SLC35F5: variants seen among roughly 807,000 people sequenced by gnomAD.
SLC35F5 encodes the protein solute carrier family 35 member F5.
Under a neutral mutation model 68.6 loss-of-function variants are expected in SLC35F5, and 54 were observed. The observed-to-expected ratio is 0.79, with a 90% CI of 0.63 to 0.99. The LOEUF is 0.99. Ranked by LOEUF, SLC35F5 falls within the 50% of genes least tolerant of loss-of-function variation. SLC35F5 has a pLI of 0.00. For missense variants in SLC35F5, 567 were observed against 626.9 expected (o/e 0.90, Z 1.02); for synonymous variants, 211 against 205.2 (o/e 1.03, Z -0.24).
At chr2:113,727,170 C>A (rs1429962342) in intron 11 of SLC35F5, among the ~76,000 whole-genome samples, 1 of 152,124 alleles carries the variant, frequency 6.6e-6, no homozygotes, top group Non-Finnish European at 1.5e-5. Context: ...TCTCTCTTGC[C>A]AGTGTGTAAA....
intron 3 of SLC35F5, among the ~76,000 whole-genome samples, chr2:113,754,672 A>G (rs1676893811): frequency 6.6e-6 from 1 of 152,262 alleles, no homozygotes; most frequent in Non-Finnish European, 1.5e-5. Flanking sequence ...TATGAGGTAT[A>G]CCATGCATCT....
intron 7 of SLC35F5, 33 bp from the exon 8 acceptor site, chr2:113,735,891 T>A: frequency 7.5e-7 from 1 of 1,341,704 alleles, no homozygotes; most frequent in Non-Finnish European, 1.1e-6. Flanking sequence ...TGAACCCTAA[T>A]GAAAGACATG....
chr2:113,753,990 G>A (rs1041705024), intron 3 of SLC35F5, among the ~76,000 whole-genome samples: 5 of 151,980 alleles, frequency 3.3e-5, no homozygotes, highest in African/African-American at 9.7e-5. Context: ...ATTCTGAAAA[G>A]CATAAAAACT....
At chr2:113,715,810 A>G (rs1192903457) in intron 15 of SLC35F5, among the ~76,000 whole-genome samples, 1 of 152,130 alleles carries the variant, frequency 6.6e-6, no homozygotes, top group Non-Finnish European at 1.5e-5. Context: ...CACAGTTTAT[A>G]AGAACCTACT....
intron 11 of SLC35F5, 34 bp from the exon 12 acceptor site, chr2:113,725,571 TG>T: frequency 6.6e-7 from 1 of 1,518,784 alleles, no homozygotes; most frequent in Non-Finnish European, 8.8e-7. Context: ...GAGTTAAAAT[TG>T]ATTTATTTCT....
Position 113,709,028 on chromosome 2 carries a change from G to A in SLC35F5, c.*6190C>T, listed in dbSNP as rs1287258599. On this transcript the variant is annotated 3_prime_UTR_variant, in exon 16 of 16. Transcript: ENST00000245680. ...TCAATGCTGCTTTATAAATCTGACTGAAAACCTTATTTAAGGAGTCAAGAT... is the reference window on the plus strand; with the variant it reads ...TCAATGCTGCTTTATAAATCTGACTAAAAACCTTATTTAAGGAGTCAAGAT... 6.6e-6 allele frequency among the ~76,000 whole-genome samples: 1 copy of A among 152,220 alleles called. No homozygotes were observed. The highest frequency in any genetic ancestry group is 1.5e-5 in the Non-Finnish European group (1 of 68,046).
rs900315396 is a variant in SLC35F5, at chr2:113,711,064, A to G, written c.*4154T>C. Among the ~76,000 whole-genome samples the G allele has an allele frequency of 5.3e-5, 8 of 152,230 alleles. No homozygotes were observed. Among genetic ancestry groups the G allele is most frequent in the African/African-American group, 1.9e-4 (8 of 41,466 alleles). On this transcript the variant is annotated 3_prime_UTR_variant, in exon 16 of 16. Transcript: ENST00000245680. Reference sequence around the variant, plus strand: ...ATGAAGTGACCTGTTAAGAGTTTCAATTTAGAAGCTTTACTTTTCTAATTT... The same window carrying G: ...ATGAAGTGACCTGTTAAGAGTTTCAGTTTAGAAGCTTTACTTTTCTAATTT...
chr2:113,752,868 TG>T (rs1168689096), intron 3 of SLC35F5, among the ~76,000 whole-genome samples: 7 of 152,194 alleles, frequency 4.6e-5, no homozygotes, highest in Non-Finnish European at 8.8e-5. Context: ...ACTATGTTAA[TG>T]GCATAGTGAT....
chr2:113,705,678 A>G (rs1483936428), downstream of SLC35F5: 2 of 152,222 alleles, frequency 1.3e-5, no homozygotes, highest in Admixed American at 1.3e-4. Flanking sequence ...TAAGTAGTCA[A>G]GTAGTCAGAT....
intron 3 of SLC35F5, among the ~76,000 whole-genome samples, chr2:113,753,889 T>C (rs116458048): frequency 0.012 from 1,786 of 152,238 alleles, 43 homozygotes; most frequent in African/African-American, 0.04. Context: ...AGACATTTCT[T>C]TGAGGTAGAA....
rs763892077 is a variant in SLC35F5, at chr2:113,717,856, GAA to G, written c.1497-8_1497-7del. On this transcript the variant is annotated splice_polypyrimidine_tract_variant and splice_region_variant and intron_variant, in intron 14 of 15. Coordinates refer to ENST00000245680, the MANE Select transcript of SLC35F5 (RefSeq NM_025181.5). ...GTTCGCTGTCTTCTGGAACTCTTAA[GAA>G]AAAAAAAAGCAGTAATTAAGGAAAG... The G allele has an allele frequency of 4.9e-6, 7 of 1,433,724 alleles. No individual in the cohort carries two copies. In the African/African-American group the frequency reaches 5.9e-5, roughly 12 times the overall value. The allele number at this position is 1,433,724 out of a possible 1,614,324, so 88.8% of individuals were successfully genotyped here.
intron 6 of SLC35F5, 34 bp from the exon 7 acceptor site, chr2:113,742,913 A>G (rs1676341907): frequency 1.9e-6 from 3 of 1,568,534 alleles, no homozygotes; most frequent in African/African-American, 2.7e-5. Context: ...AAATAATTAA[A>G]TAATTCCTCT....
rs766954729 is a variant in SLC35F5, at chr2:113,719,212, C to G, written c.1438G>C (p.Val480Leu). 6 of 1,609,018 alleles carry G rather than the reference C, an allele frequency of 3.7e-6. No homozygotes were observed. Among genetic ancestry groups the G allele is most frequent in the Non-Finnish European group, 5.1e-6 (6 of 1,179,148 alleles). ...LLCHYNNWDP[V>L]MVGIRRIFAF... ...AATATTCTTCTGATTCCCACCATCA[C>G]AGGATCCCAATTATTATAATGGCAT... The change falls in exon 14 of 16, where the codon GTG becomes CTG. Residue 480 changes from valine (V) to leucine (L), a missense_variant. Coordinates refer to ENST00000245680, the MANE Select transcript of SLC35F5 (RefSeq NM_025181.5).
intron 7 of SLC35F5, among the ~76,000 whole-genome samples, chr2:113,739,314 C>A (rs1484906715): frequency 6.6e-6 from 1 of 152,132 alleles, no homozygotes; most frequent in Non-Finnish European, 1.5e-5. Context: ...AGTTGTTGTG[C>A]TATTGTTTTT....
chr2:113,728,543 T>C (rs1448107596), intron 11 of SLC35F5, among the ~76,000 whole-genome samples: 1 of 152,216 alleles, frequency 6.6e-6, no homozygotes, highest in Non-Finnish European at 1.5e-5. Context: ...ACTAGACCCC[T>C]GCATGCAACT....
chr2:113,731,637 A>T lies in SLC35F5; in HGVS notation c.932T>A (p.Val311Asp). 1 of 1,612,826 alleles carries T rather than the reference A, an allele frequency of 6.2e-7. No individual in the cohort carries two copies. Among genetic ancestry groups the T allele is most frequent in the Middle Eastern group, 1.7e-4 (1 of 6,044 alleles). The change falls in exon 10 of 16, where the codon GTT becomes GAT. Residue 311 changes from valine (V) to aspartate (D), a missense_variant. By Grantham distance (152) the Val-to-Asp change is radical. Transcript: ENST00000245680. ...AGACCCTGCCAGGTTTACCAGTACAACGCCTCCAATGCTATGAGAATAACA... is the reference window on the plus strand; with the variant it reads ...AGACCCTGCCAGGTTTACCAGTACATCGCCTCCAATGCTATGAGAATAACA... ...LLAVILSIGG[V>D]VLVNLAGSEK...
intron 12 of SLC35F5, 29 bp downstream of exon 12, chr2:113,725,349 A>G: frequency 6.4e-7 from 1 of 1,569,540 alleles, no homozygotes; most frequent in African/African-American, 1.4e-5. Context: ...TAATCAACTG[A>G]TAATAATTGG....
At position 113,723,181 on chromosome 2, in the gene SLC35F5, T is replaced by A; in HGVS notation, c.1264A>T (p.Thr422Ser). Residue 422 changes from threonine to serine, a missense_variant, in exon 13 of 16, where the codon ACC becomes TCC. Physicochemically the swap from Thr to Ser is moderately conservative, Grantham distance 58. Transcript: ENST00000245680. ...GCAAGTGTGCCTATCAATGATGAGG[T>A]AAGAAAGCAGCCCCTAAAAAAAAGA... ...EFLWLWGCFL[T>S]SSLIGTLALS... 1 of 1,584,440 alleles carries A rather than the reference T, an allele frequency of 6.3e-7. No individual in the cohort carries two copies. The highest frequency in any genetic ancestry group is 8.6e-7 in the Non-Finnish European group (1 of 1,167,018).
Position 113,731,588 on chromosome 2 carries a change from T to C in SLC35F5, c.981A>G (p.Thr327=), listed in dbSNP as rs1365991314. Residue 327 remains threonine (T), a synonymous_variant, in exon 10 of 16, where the codon ACA becomes ACG. Coordinates refer to ENST00000245680, the MANE Select transcript of SLC35F5 (RefSeq NM_025181.5). ...AGSEKPAGRD[T]VGSIWSLAGA... ...AATCCAGAGTCCAGTACTTACCTAC[T>C]GTGTCTCTTCCAGCAGGTTTTTCAG... The C allele has an allele frequency of 1.2e-6, 2 of 1,612,218 alleles. No individual in the cohort carries two copies. Among genetic ancestry groups the C allele is most frequent in the African/African-American group, 1.3e-5 (1 of 74,852 alleles).
Sources: allele counts gnomAD v4.1 joint callset (sites outside exome capture counted in the v4.1 genomes callset), GRCh38; gene constraint gnomAD v4.1.1; transcripts MANE v1.5; gene names NCBI Gene and HGNC (gene_info 2026-07-23, HGNC 2026-07-21).